Variants in HHIPL1 observed in about 807,000 individuals in gnomAD.
HHIPL1 encodes the protein HHIP like 1.
A neutral mutation model predicts 61.8 loss-of-function variants in HHIPL1; 43 were observed. The ratio of observed to expected loss-of-function variants is 0.70; its 90% CI spans 0.55 to 0.90. The LOEUF (loss-of-function observed/expected upper bound fraction) is 0.90. Ranked by LOEUF, HHIPL1 falls within the 40% of genes least tolerant of loss-of-function variation. The probability of loss-of-function intolerance (pLI) is 0.00; values close to 1 mark genes in which losing one functional copy is unlikely to be tolerated. For missense variants in HHIPL1, 1,056 were observed against 1,157.7 expected (o/e 0.91, Z 1.28); for synonymous variants, 482 against 515.8 (o/e 0.93, Z 0.89).
the HHIPL1 span, among the ~76,000 whole-genome samples, chr14:99,622,918 C>T: frequency 6.6e-6 from 1 of 152,252 alleles, no homozygotes; most frequent in Non-Finnish European, 1.5e-5. Flanking sequence ...AATGAGCTTC[C>T]ATCCCTGTCA....
At chr14:99,637,042 AGAAAGAAG>A in the HHIPL1 span, among the ~76,000 whole-genome samples, 831 of 121,716 alleles carry the variant, frequency 6.8e-3, 27 homozygotes, top group African/African-American at 0.015. Context: ...AAAGAAAGAA[AGAAAGAAG>A]GAAGGAAGGA....
intron 6 of HHIPL1, 55 bp downstream of exon 6, chr14:99,663,076 C>T (rs1395686098): frequency 5.9e-6 from 9 of 1,516,610 alleles, no homozygotes; most frequent in African/African-American, 1.4e-5. Flanking sequence ...GACTGGTCCT[C>T]CACCCTGTGG....
chr14:99,665,200 C>T (rs116107469), intron 6 of HHIPL1, among the ~76,000 whole-genome samples: 3,162 of 152,122 alleles, frequency 0.021, 100 homozygotes, highest in African/African-American at 0.072. Context: ...TGTGAGCTGC[C>T]GCGCCCAGCC....
At chr14:99,649,283 G>A (rs1364087512) in intron 1 of HHIPL1, among the ~76,000 whole-genome samples, 6 of 152,168 alleles carry the variant, frequency 3.9e-5, no homozygotes, top group East Asian at 1.9e-4. Flanking sequence ...GAGGGCTCTC[G>A]TTGCCTTCCA....
At chr14:99,639,704 C>T in the HHIPL1 span, among the ~76,000 whole-genome samples, 4 of 151,886 alleles carry the variant, frequency 2.6e-5, no homozygotes, top group Non-Finnish European at 5.9e-5. Context: ...CTGCGTTGCC[C>T]AGGCTGGAGT....
At chr14:99,605,368 CA>C in the HHIPL1 span, among the ~76,000 whole-genome samples, 2 of 27,516 alleles carry the variant, frequency 7.3e-5, no homozygotes, top group Non-Finnish European at 3.1e-4. Flanking sequence ...CTACCGCCAG[CA>C]GGCGGGGCGG....
the HHIPL1 span, among the ~76,000 whole-genome samples, chr14:99,621,485 C>A: frequency 6.6e-6 from 1 of 152,122 alleles, no homozygotes; most frequent in Non-Finnish European, 1.5e-5. Context: ...GTTACACCAA[C>A]CCCAGCTATT....
chr14:99,606,395 G>A, the HHIPL1 span, among the ~76,000 whole-genome samples: 1 of 152,192 alleles, frequency 6.6e-6, no homozygotes, highest in South Asian at 2.1e-4. Flanking sequence ...CTCCTTGCAG[G>A]CTCCCTGCAG....
At position 99,645,224 on chromosome 14, in the gene HHIPL1, C is replaced by T. The variant is rs959978280; in HGVS notation, c.17C>T (p.Ala6Val). Residue 6 changes from alanine (A) to valine (V), a missense_variant, in exon 1 of 9, where the codon GCC becomes GTC. By Grantham distance (64) the Ala-to-Val change is moderately conservative (BLOSUM62 0). Transcript: ENST00000330710. Reference protein sequence around the residue: MARARAGALLALWVLG... With the variant: MARARVGALLALWVLG... Reference sequence around the variant, plus strand: ...GGCGTAGCGATGGCCCGGGCCAGGGCCGGGGCGCTGCTGGCGCTTTGGGTG... The same window carrying T: ...GGCGTAGCGATGGCCCGGGCCAGGGTCGGGGCGCTGCTGGCGCTTTGGGTG... 1.5e-6 allele frequency: 2 copies of T among 1,323,286 alleles called. No individual in the cohort carries two copies. Among genetic ancestry groups the T allele is most frequent in the South Asian group, 2.0e-5 (1 of 50,082 alleles). The allele number at this position is 1,323,286 out of a possible 1,614,324, so 82.0% of individuals were successfully genotyped here.
Position 99,672,422 on chromosome 14 carries a change from CTG to C in HHIPL1, c.1813+24_1813+25del. ...AAAGTAAGTGCCTGCCAGTGGGACA[CTG>C]AGGGTTGGGGGAGAGATCCCGCAGC... On this transcript the variant is annotated intron_variant, in intron 8 of 8. Transcript: ENST00000330710. 4 of 1,542,242 alleles carry C rather than the reference CTG, an allele frequency of 2.6e-6. No individual in the cohort carries two copies. In the South Asian group the frequency reaches 4.8e-5, roughly 18 times the overall value.
At chr14:99,669,999 C>G (rs2056308426) in intron 7 of HHIPL1, among the ~76,000 whole-genome samples, 1 of 152,220 alleles carries the variant, frequency 6.6e-6, no homozygotes. Flanking sequence ...CTGTATGCCC[C>G]TTACCCTGTG....
chr14:99,616,073 A>C, the HHIPL1 span, among the ~76,000 whole-genome samples: 1 of 152,228 alleles, frequency 6.6e-6, no homozygotes, highest in Admixed American at 6.5e-5. Flanking sequence ...CTGCTCCATC[A>C]CATTTTAGTC....
intron 2 of HHIPL1, among the ~76,000 whole-genome samples, chr14:99,654,114 A>G (rs2055985796): frequency 6.8e-6 from 1 of 146,080 alleles, no homozygotes; most frequent in South Asian, 2.3e-4. Flanking sequence ...TCTTGAACCC[A>G]GGAGGCAGAG....
chr14:99,675,663 G>T lies in HHIPL1; in HGVS notation c.*37G>T. The T allele has an allele frequency of 1.4e-6, 2 of 1,472,972 alleles. No individual in the cohort carries two copies. The highest frequency in any genetic ancestry group is 1.8e-6 in the Non-Finnish European group (2 of 1,112,706). 91.2% of individuals were successfully genotyped at this position (1,472,972 alleles called of 1,614,324 possible). A position where few individuals can be genotyped will look rare whatever the true frequency, so the allele number is the denominator to read the frequency against. On this transcript the variant is annotated 3_prime_UTR_variant, in exon 9 of 9. Coordinates refer to ENST00000330710, the MANE Select transcript of HHIPL1 (RefSeq NM_001127258.3). The surrounding 1 kb of genome is among the most constrained non-coding windows in gnomAD (Gnocchi z 5.4). ...CTGCCCCAGGCCATCCCGCCGGCGG[G>T]GGAGCCTGGCAGGGGCCGCTCCGCC...
At chr14:99,628,581 CAAAAAAAAAA>C in the HHIPL1 span, among the ~76,000 whole-genome samples, 1 of 53,606 alleles carries the variant, frequency 1.9e-5, no homozygotes, top group East Asian at 7.0e-4. Flanking sequence ...AACTCCAACT[CAAAAAAAAAA>C]AAAAAGAAAA....
chr14:99,633,218 C>T, the HHIPL1 span, among the ~76,000 whole-genome samples: 1 of 152,208 alleles, frequency 6.6e-6, no homozygotes, highest in Non-Finnish European at 1.5e-5. Context: ...AGAGCCACCC[C>T]AGGGAACCCC....
intron 2 of HHIPL1, among the ~76,000 whole-genome samples, chr14:99,655,376 C>A (rs2056010890): frequency 6.6e-6 from 1 of 152,146 alleles, no homozygotes; most frequent in African/African-American, 2.4e-5. Context: ...AATCCCAGCA[C>A]TTTGGGAGGC....
chr14:99,648,461 C>T (rs780042953), intron 1 of HHIPL1, among the ~76,000 whole-genome samples: 9 of 152,202 alleles, frequency 5.9e-5, no homozygotes, highest in South Asian at 4.1e-4. Flanking sequence ...TTCTCCTAAC[C>T]GCTTTGCCAC....
chr14:99,662,667 A>G (rs1448431687), intron 5 of HHIPL1, among the ~76,000 whole-genome samples: 1 of 152,212 alleles, frequency 6.6e-6, no homozygotes, highest in Non-Finnish European at 1.5e-5. Context: ...GTGACCCTGC[A>G]TGCTCATTCT....
Sources: allele counts gnomAD v4.1 joint callset (sites outside exome capture counted in the v4.1 genomes callset), GRCh38; gene constraint gnomAD v4.1.1; non-coding constraint Gnocchi (gnomAD v3.1); transcripts MANE v1.5; gene names NCBI Gene and HGNC (gene_info 2026-07-23, HGNC 2026-07-21).